GRM7: variants seen among roughly 807,000 people sequenced by gnomAD.
GRM7 encodes metabotropic glutamate receptor 7.
GRM7 carries 35 observed loss-of-function variants against 84.5 expected under a neutral mutation model. That is an observed-to-expected ratio of 0.41 (90% CI 0.32 to 0.55). The LOEUF (loss-of-function observed/expected upper bound fraction) is 0.55, where lower values mean the gene tolerates loss of function less well. Among genes scored for constraint, GRM7 ranks in the 20% least tolerant of loss-of-function variants. The pLI is 0.19. For synonymous variants in GRM7, 487 were observed against 455.1 expected (o/e 1.07, Z -0.89); for missense variants, 1,003 against 1,194.6 (o/e 0.84, Z 2.36).
At chr3:6,959,274 C>T (rs1693198493) in intron 1 of GRM7, among the ~76,000 whole-genome samples, 1 of 152,100 alleles carries the variant, frequency 6.6e-6, no homozygotes, top group Non-Finnish European at 1.5e-5. Context: ...TCTAGCCTGC[C>T]TACTCTAAGT....
At chr3:7,724,815 G>A (rs533331096) in intron 9 of GRM7, among the ~76,000 whole-genome samples, 1 of 152,188 alleles carries the variant, frequency 6.6e-6, no homozygotes, top group Non-Finnish European at 1.5e-5. Context: ...CTAGAGTGCA[G>A]TGGCACAATC....
intron 4 of GRM7, among the ~76,000 whole-genome samples, chr3:7,352,066 C>CACAT (rs1183869638): frequency 7.4e-6 from 1 of 135,438 alleles, no homozygotes; most frequent in African/African-American, 2.8e-5. Context: ...ACCACACACA[C>CACAT]ACACACACAC....
chr3:7,338,201 T>G (rs891439074), intron 4 of GRM7, among the ~76,000 whole-genome samples: 1 of 151,684 alleles, frequency 6.6e-6, no homozygotes, highest in Non-Finnish European at 1.5e-5. Context: ...TGCAACAACG[T>G]GGATGGAGTT....
At chr3:6,942,081 A>G (rs1362717999) in intron 1 of GRM7, among the ~76,000 whole-genome samples, 1 of 152,090 alleles carries the variant, frequency 6.6e-6, no homozygotes, top group East Asian at 1.9e-4. Context: ...TATTTTAAGC[A>G]TGTTGTATTA....
chr3:7,031,541 C>T (rs987035550), intron 1 of GRM7, among the ~76,000 whole-genome samples: 5 of 151,882 alleles, frequency 3.3e-5, no homozygotes, highest in Non-Finnish European at 7.4e-5. Flanking sequence ...CCCAGCCTCC[C>T]GAGTAGCTGG....
chr3:7,398,930 CTTCT>C, intron 4 of GRM7, among the ~76,000 whole-genome samples: 1 of 152,050 alleles, frequency 6.6e-6, no homozygotes, highest in Non-Finnish European at 1.5e-5. Flanking sequence ...CCATTGATGG[CTTCT>C]TTGTTTGTCT....
intron 2 of GRM7, among the ~76,000 whole-genome samples, chr3:7,282,258 A>T (rs967217166): frequency 6.6e-6 from 1 of 152,214 alleles, no homozygotes; most frequent in African/African-American, 2.4e-5. Context: ...ATCTTACTAT[A>T]CTGGAGGTTA....
chr3:7,499,730 C>G (rs1377091283), intron 7 of GRM7, among the ~76,000 whole-genome samples: 1 of 152,038 alleles, frequency 6.6e-6, no homozygotes, highest in African/African-American at 2.4e-5. Context: ...AAGCAGTGAT[C>G]CAGCAAAAAC....
chr3:7,452,922 A>T, intron 6 of GRM7, 115 bp downstream of exon 6: 2 of 664,180 alleles, frequency 3.0e-6, no homozygotes, highest in East Asian at 2.7e-5. Context: ...TTGCTTGATT[A>T]TAAAACTTTA....
chr3:7,627,270 A>G (rs1697657026), intron 8 of GRM7, among the ~76,000 whole-genome samples: 1 of 152,228 alleles, frequency 6.6e-6, no homozygotes, highest in Non-Finnish European at 1.5e-5. Flanking sequence ...CACATGTTTG[A>G]GATCATGCTC....
intron 7 of GRM7, among the ~76,000 whole-genome samples, chr3:7,520,677 C>T (rs1106486): frequency 0.68 from 103,923 of 151,988 alleles, 35,760 homozygotes; most frequent in African/African-American, 0.72. Flanking sequence ...GCCTGATTCA[C>T]ACTGTGCCCT....
rs765690264 is a variant in GRM7 at position 7,012,563 on chromosome 3, C to T, written c.520-133889C>T. The stretch of plus-strand genomic sequence containing the variant: ...TTCTGACCTTCCCCCATCCTTCTCC[C>T]CTGAAGAGGTCATAGAAACCAGGAA... On this transcript the variant is annotated intron_variant, in intron 1 of 9. Transcript: ENST00000357716. 7.3e-4 allele frequency among the ~76,000 whole-genome samples: 111 copies of T among 152,008 alleles called. 1 individual carries two copies. The highest frequency in any genetic ancestry group is 2.5e-4 in the Non-Finnish European group (17 of 68,002).
At position 7,163,401 on chromosome 3, in the gene GRM7, C is replaced by G. The variant is rs2125081169; in HGVS notation, c.736+16733C>G. ...CAGTGAATGTAACCAGAAGCGCTTT[C>G]TCTTGAAGAAAACATGTGCACCACC... On this transcript the variant is annotated intron_variant, in intron 2 of 9. Coordinates refer to ENST00000357716, the MANE Select transcript of GRM7 (RefSeq NM_000844.4). Among the ~76,000 whole-genome samples, 4 of 152,254 alleles carry G rather than the reference C, an allele frequency of 2.6e-5. No individual in the cohort carries two copies. In the South Asian group the frequency reaches 8.3e-4, roughly 32 times the overall value.
intron 2 of GRM7, among the ~76,000 whole-genome samples, chr3:7,170,070 G>T (rs546612616): frequency 6.6e-6 from 1 of 152,258 alleles, no homozygotes; most frequent in East Asian, 1.9e-4. Context: ...ACTCATTCCT[G>T]GGTGTTGCTG....
chr3:7,701,459 C>T (rs1559496509), intron 9 of GRM7, among the ~76,000 whole-genome samples: 1 of 152,060 alleles, frequency 6.6e-6, no homozygotes, highest in East Asian at 1.9e-4. Context: ...CACCACCACA[C>T]CCAGGTGATT....
At chr3:7,180,499 G>A (rs1008048234) in intron 2 of GRM7, among the ~76,000 whole-genome samples, 5 of 151,984 alleles carry the variant, frequency 3.3e-5, no homozygotes, top group African/African-American at 7.3e-5. Flanking sequence ...AATATCCCCC[G>A]GCAACTGCAG....
In GRM7 at chr3:7,454,090, A is replaced by ACACTCTCTCTCTCTCT. The variant is rs1365192243; in HGVS notation, c.1375+1284_1375+1285insACTCTCTCTCTCTCTC. Reference sequence around the variant, plus strand: ...ACCATACATGAAAAGCTACACACACACTCTCTCTCTCTCTCTCTCTCTCTC... The same window carrying ACACTCTCTCTCTCTCT: ...ACCATACATGAAAAGCTACACACACACACTCTCTCTCTCTCTCTCTCTCTCTCTCTCTCTCTCTCTC... On this transcript the variant is annotated intron_variant, in intron 6 of 9. Coordinates refer to ENST00000357716, the MANE Select transcript of GRM7 (RefSeq NM_000844.4). 4.5e-3 allele frequency among the ~76,000 whole-genome samples: 634 copies of ACACTCTCTCTCTCTCT among 140,106 alleles called. 3 individuals carry two copies. Among genetic ancestry groups the ACACTCTCTCTCTCTCT allele is most frequent in the Middle Eastern group, 0.015 (4 of 266 alleles). 91.9% of individuals were successfully genotyped at this position (140,106 alleles called of 152,430 possible).
chr3:7,209,153 T>C (rs1400691191), intron 2 of GRM7, among the ~76,000 whole-genome samples: 4 of 152,218 alleles, frequency 2.6e-5, no homozygotes, highest in Admixed American at 2.0e-4. Context: ...GAAGATCTCA[T>C]ATAATTTATT....
At chr3:7,204,628 G>T (rs188633228) in intron 2 of GRM7, among the ~76,000 whole-genome samples, 8 of 152,282 alleles carry the variant, frequency 5.3e-5, no homozygotes, top group Non-Finnish European at 1.2e-4. Flanking sequence ...TGCTAGGTGG[G>T]CAAATAACCA....
Sources: gnomAD v4.1 joint callset for allele counts (sites outside exome capture counted in the v4.1 genomes callset) on GRCh38, gnomAD v4.1.1 for gene constraint, MANE v1.5 for transcripts, NCBI Gene and HGNC (gene_info 2026-07-23, HGNC 2026-07-21) for gene names.